DLG2: variants seen among roughly 807,000 people sequenced by gnomAD.
DLG2 encodes discs large MAGUK scaffold protein 2.
A neutral mutation model predicts 132.5 loss-of-function variants in DLG2; 45 were observed. That is an observed-to-expected ratio of 0.34 (90% confidence interval 0.27 to 0.44). The LOEUF is 0.44. DLG2 is among the 20% of genes least tolerant of loss of function. DLG2 has a pLI of 1.00. For synonymous variants in DLG2, 424 were observed against 419.6 expected, an observed-to-expected ratio of 1.01 and a Z score of -0.13; for missense variants, 1,045 against 1,196.9, an observed-to-expected ratio of 0.87 and a Z score of 1.87.
chr11:83,915,295 A>T (rs563046935), intron 15 of DLG2, among the ~76,000 whole-genome samples: 91 of 152,242 alleles, frequency 6.0e-4, no homozygotes, highest in African/African-American at 2.2e-3. Flanking sequence ...GAGATAGTGT[A>T]GACAACTCTT....
chr11:85,424,745 T>C (rs1228480845), intron 3 of DLG2, among the ~76,000 whole-genome samples: 1 of 151,978 alleles, frequency 6.6e-6, no homozygotes, highest in African/African-American at 2.4e-5. Flanking sequence ...CAAACTCTGA[T>C]TTTTTTTAAC....
chr11:85,366,288 T>G (rs1486894828), intron 3 of DLG2, among the ~76,000 whole-genome samples: 4 of 152,154 alleles, frequency 2.6e-5, no homozygotes, highest in Non-Finnish European at 5.9e-5. Context: ...TGCCTATTTT[T>G]TATTTTTTCT....
chr11:84,001,336 A>AAC (rs879439339), intron 11 of DLG2, among the ~76,000 whole-genome samples: 1 of 151,178 alleles, frequency 6.6e-6, no homozygotes, highest in Non-Finnish European at 1.5e-5. Flanking sequence ...AAAAAAAAAA[A>AAC]CAGTAAAAAA....
At chr11:85,564,699 T>G (rs948736588) in intron 3 of DLG2, among the ~76,000 whole-genome samples, 1 of 151,992 alleles carries the variant, frequency 6.6e-6, no homozygotes, top group African/African-American at 2.4e-5. Flanking sequence ...GTCCAACTTC[T>G]CCTTCTTTTT....
intron 3 of DLG2, among the ~76,000 whole-genome samples, chr11:85,373,743 C>T (rs2085174865): frequency 6.6e-6 from 1 of 152,170 alleles, no homozygotes; most frequent in Non-Finnish European, 1.5e-5. Context: ...TAAAACCCTG[C>T]TTTACTCACC....
chr11:85,460,649 C>T (rs771140593), intron 3 of DLG2, among the ~76,000 whole-genome samples: 2 of 152,190 alleles, frequency 1.3e-5, no homozygotes, highest in African/African-American at 2.4e-5. Context: ...ACACTAGCTA[C>T]TAATAGCCAT....
chr11:83,778,941 T>C (rs2153856476), intron 18 of DLG2, among the ~76,000 whole-genome samples: 1 of 152,184 alleles, frequency 6.6e-6, no homozygotes, highest in African/African-American at 2.4e-5. Flanking sequence ...TCCTGGGAAG[T>C]GTCTAGTTGC....
chr11:84,333,105 C>A (rs1196126311), intron 7 of DLG2, among the ~76,000 whole-genome samples: 1 of 152,200 alleles, frequency 6.6e-6, no homozygotes. Flanking sequence ...TTGCTGTTCA[C>A]ATGCAAAGTC....
intron 6 of DLG2, among the ~76,000 whole-genome samples, chr11:85,089,820 A>G (rs1365841454): frequency 6.6e-6 from 1 of 152,208 alleles, no homozygotes; most frequent in Non-Finnish European, 1.5e-5. Flanking sequence ...AAAATATGAA[A>G]AAGTGTTCAA....
At chr11:83,632,401 A>G (rs2063715135) in intron 19 of DLG2, 1 of 152,184 alleles carries the variant, frequency 6.6e-6, no homozygotes, top group Admixed American at 6.5e-5. Flanking sequence ...GTTCTTCCAT[A>G]TGGTACATAG....
At chr11:85,435,761 T>C (rs1473343178) in intron 3 of DLG2, among the ~76,000 whole-genome samples, 1 of 152,138 alleles carries the variant, frequency 6.6e-6, no homozygotes, top group Non-Finnish European at 1.5e-5. Flanking sequence ...TATTCAATGC[T>C]ATTCCCATCA....
At chr11:85,399,157 T>A (rs1394332131) in intron 3 of DLG2, among the ~76,000 whole-genome samples, 1 of 152,074 alleles carries the variant, frequency 6.6e-6, no homozygotes, top group African/African-American at 2.4e-5. Flanking sequence ...GAGAGCCAAA[T>A]CATGAGTGAA....
chr11:83,483,531 T>TAAGA (rs984012800), intron 22 of DLG2, among the ~76,000 whole-genome samples: 1 of 151,976 alleles, frequency 6.6e-6, no homozygotes, highest in African/African-American at 2.4e-5. Flanking sequence ...CAAAAGATTG[T>TAAGA]AAGAAAAAAA....
chr11:83,726,748 AAAACAAAC>A (rs60924473), intron 18 of DLG2, among the ~76,000 whole-genome samples: 9,808 of 150,264 alleles, frequency 0.065, 394 homozygotes, highest in Non-Finnish European at 0.083. Flanking sequence ...GATCTGCCTG[AAAACAAAC>A]AAACAAACAA....
chr11:84,972,850 T>C (rs929342305), intron 6 of DLG2, among the ~76,000 whole-genome samples: 3 of 152,184 alleles, frequency 2.0e-5, no homozygotes, highest in Admixed American at 2.0e-4. Context: ...TTGTTGAGAC[T>C]GCAGACTTAG....
chr11:84,557,148 T>G (rs2099413571), intron 6 of DLG2, among the ~76,000 whole-genome samples: 1 of 152,172 alleles, frequency 6.6e-6, no homozygotes, highest in Non-Finnish European at 1.5e-5. Flanking sequence ...TTAATTTAGG[T>G]GTTGCTATGA....
intron 18 of DLG2, among the ~76,000 whole-genome samples, chr11:83,685,258 G>C (rs1401523519): frequency 6.6e-6 from 1 of 152,088 alleles, no homozygotes; most frequent in Non-Finnish European, 1.5e-5. Context: ...CTAAGCACTT[G>C]CGGCAACAGG....
intron 7 of DLG2, among the ~76,000 whole-genome samples, chr11:84,330,190 G>T (rs1169456207): frequency 6.6e-6 from 1 of 152,092 alleles, no homozygotes; most frequent in East Asian, 1.9e-4. Context: ...TAAAAATTCT[G>T]TAGTGCTTAT....
At position 84,534,540 on chromosome 11, in the gene DLG2, C is replaced by G. The variant is rs750710978; in HGVS notation, c.519+30G>C. On this transcript the variant is annotated intron_variant, in intron 7 of 27. Coordinates refer to ENST00000376104, the MANE Select transcript of DLG2 (RefSeq NM_001142699.3). ...AATTAAGACCAACTACTGTCACCAA[C>G]TATAAAGTCGGAAGAGCAATATAAC... 2.5e-6 allele frequency: 4 copies of G among 1,607,394 alleles called. No homozygotes were observed. The South Asian group carries it at 3.3e-5, about 13-fold the overall frequency.
Sources: allele counts gnomAD v4.1 joint callset (sites outside exome capture counted in the v4.1 genomes callset), GRCh38; gene constraint gnomAD v4.1.1; transcripts MANE v1.5; gene names NCBI Gene and HGNC (gene_info 2026-07-23, HGNC 2026-07-21).